DENND2B: variants seen among roughly 807,000 people sequenced by gnomAD.
The protein encoded by DENND2B is DENN domain containing 2B.
Under a neutral mutation model 116.0 loss-of-function variants are expected in DENND2B, and 32 were observed. The ratio of observed to expected loss-of-function variants is 0.28; its 90% confidence interval spans 0.21 to 0.37. The LOEUF is 0.37. Ranked by LOEUF, DENND2B falls within the 10% of genes least tolerant of loss-of-function variation. The pLI, the probability that DENND2B is intolerant of heterozygous loss-of-function variation, is 1.00. For missense variants in DENND2B, 1,276 were observed against 1,477.7 expected (o/e 0.86, Z 2.24); for synonymous variants, 588 against 583.9 (o/e 1.01, Z -0.10).
chr11:8,902,427 A>G (rs1171018968), intron 1 of DENND2B, among the ~76,000 whole-genome samples: 1 of 151,896 alleles, frequency 6.6e-6, no homozygotes, highest in East Asian at 1.9e-4. Context: ...TGGTATTTTG[A>G]GGCTGTGTTG....
At chr11:8,737,486 G>A (rs958261311) in intron 2 of DENND2B, among the ~76,000 whole-genome samples, 19 of 152,178 alleles carry the variant, frequency 1.2e-4, no homozygotes, top group African/African-American at 4.3e-4. Flanking sequence ...CTGACGAAGA[G>A]AGGTTTTGGT....
intron 1 of DENND2B, among the ~76,000 whole-genome samples, chr11:8,772,880 G>A (rs1434437256): frequency 6.6e-6 from 1 of 152,064 alleles, no homozygotes; most frequent in African/African-American, 2.4e-5. Context: ...TGCTTACAGC[G>A]CACCAATTTT....
chr11:8,741,694 A>C (rs952415066), intron 2 of DENND2B, among the ~76,000 whole-genome samples: 2 of 152,216 alleles, frequency 1.3e-5, no homozygotes, highest in Admixed American at 6.5e-5. Flanking sequence ...AGGCCTAAAA[A>C]AATCAGCAGC....
chr11:8,793,670 G>T (rs1434924215), intron 1 of DENND2B, among the ~76,000 whole-genome samples: 1 of 152,158 alleles, frequency 6.6e-6, no homozygotes, highest in Non-Finnish European at 1.5e-5. Flanking sequence ...ATGCTGCAAT[G>T]AACACTGGCA....
chr11:8,909,593 A>G (rs542613251), intron 1 of DENND2B, among the ~76,000 whole-genome samples: 1 of 152,350 alleles, frequency 6.6e-6, no homozygotes, highest in East Asian at 1.9e-4. Flanking sequence ...TTATTGAAGG[A>G]AATGTTTTGG....
Position 8,707,746 on chromosome 11 carries a change from ACG to A in DENND2B, c.2430+29_2430+30del. 6.3e-7 allele frequency: 1 copy of A among 1,582,614 alleles called. No individual in the cohort carries two copies. Among genetic ancestry groups the A allele is most frequent in the Non-Finnish European group, 8.6e-7 (1 of 1,163,792 alleles). ...TCCTGTGGGAGCTGTCAGCTGGGGG[ACG>A]GGGAGGGAAGCCTGCCAGAGCCTCT... On this transcript the variant is annotated intron_variant, in intron 12 of 19. Transcript: ENST00000313726. The surrounding 1 kb of genome is among the most constrained non-coding windows in gnomAD (Gnocchi z 4.8).
intron 14 of DENND2B, chr11:8,699,709 G>C: frequency 2.4e-6 from 1 of 423,626 alleles, no homozygotes; most frequent in South Asian, 2.0e-5. Flanking sequence ...CGTGGCTGAG[G>C]AGGCAGTAGG....
At chr11:8,799,020 C>T (rs981682948) in intron 1 of DENND2B, among the ~76,000 whole-genome samples, 1 of 152,086 alleles carries the variant, frequency 6.6e-6, no homozygotes, top group African/African-American at 2.4e-5. Flanking sequence ...CAAGGTTTCA[C>T]CATGTTGGCC....
chr11:8,880,060 A>C (rs1000179995), intron 2 of DENND2B, among the ~76,000 whole-genome samples: 6 of 152,336 alleles, frequency 3.9e-5, no homozygotes, highest in African/African-American at 4.8e-5. Flanking sequence ...ACTAAGCAGC[A>C]GCCTACCCCA....
At chr11:8,879,924 C>T (rs149786999) in intron 2 of DENND2B, among the ~76,000 whole-genome samples, 56 of 152,222 alleles carry the variant, frequency 3.7e-4, no homozygotes, top group African/African-American at 1.2e-3. Flanking sequence ...TAGGGAGTTT[C>T]GATTGAAATA....
intron 2 of DENND2B, among the ~76,000 whole-genome samples, chr11:8,740,215 A>G (rs1318071264): frequency 1.3e-5 from 2 of 151,844 alleles, no homozygotes; most frequent in East Asian, 1.9e-4. Context: ...AAAAAAAGAA[A>G]CAAGAAAAGA....
chr11:8,846,807 C>T (rs1172229037), intron 3 of DENND2B, among the ~76,000 whole-genome samples: 2 of 152,160 alleles, frequency 1.3e-5, no homozygotes, highest in Non-Finnish European at 2.9e-5. Flanking sequence ...ATTTCTAAAC[C>T]GCTCCATGAT....
Position 8,894,642 on chromosome 11 carries a change from C to G in DENND2B, c.-255-13533G>C, listed in dbSNP as rs529846606. ...ACATTTATGCAGCCAACAGACACAT[C>G]AAAAAATGCTCACCATCACTGGCCA... On this transcript the variant is annotated intron_variant, in intron 1 of 22. Coordinates refer to the DENND2B transcript ENST00000534127. Among the ~76,000 whole-genome samples, 1,451 of 152,148 alleles carry G rather than the reference C, an allele frequency of 9.5e-3. 29 individuals carry two copies. Among genetic ancestry groups the G allele is most frequent in the African/African-American group, 0.034 (1,397 of 41,506 alleles).
chr11:8,810,944 A>ACTG, upstream of DENND2B: 1 of 219,188 alleles, frequency 4.6e-6, no homozygotes, highest in East Asian at 9.5e-5. Context: ...GGGGCTCTGA[A>ACTG]CTGCTCCTGG....
chr11:8,906,195 T>C (rs866180684), intron 1 of DENND2B, among the ~76,000 whole-genome samples: 1 of 127,654 alleles, frequency 7.8e-6, no homozygotes, highest in Admixed American at 1.1e-4. Context: ...AATAAAGAAG[T>C]CTTTTTTTTC....
chr11:8,894,791 A>G (rs2064078766), intron 1 of DENND2B, among the ~76,000 whole-genome samples: 1 of 152,188 alleles, frequency 6.6e-6, no homozygotes, highest in South Asian at 2.1e-4. Flanking sequence ...ACACTTTTAC[A>G]CTGTTGGTGG....
At chr11:8,816,336 A>T (rs1374030962) in intron 4 of DENND2B, among the ~76,000 whole-genome samples, 1 of 152,190 alleles carries the variant, frequency 6.6e-6, no homozygotes, top group Non-Finnish European at 1.5e-5. Context: ...GCTTGAGCCC[A>T]GGAGTTCAAG....
chr11:8,745,975 T>C (rs2051170275), intron 2 of DENND2B, among the ~76,000 whole-genome samples: 2 of 152,210 alleles, frequency 1.3e-5, no homozygotes, highest in Non-Finnish European at 2.9e-5. Context: ...TTGCAATTGG[T>C]GGGCAAAATA....
chr11:8,734,910 T>A (rs566608366), intron 2 of DENND2B, among the ~76,000 whole-genome samples: 1 of 150,700 alleles, frequency 6.6e-6, no homozygotes, highest in African/African-American at 2.4e-5. Context: ...GCTTGATAAT[T>A]ACTCATATTC....
Sources: gnomAD v4.1 joint callset for allele counts (sites outside exome capture counted in the v4.1 genomes callset) on GRCh38, gnomAD v4.1.1 for gene constraint, Gnocchi (gnomAD v3.1) non-coding constraint, MANE v1.5 for transcripts, NCBI Gene and HGNC (gene_info 2026-07-23, HGNC 2026-07-21) for gene names.